SLC37A1: variants seen among roughly 807,000 people sequenced by gnomAD.
SLC37A1 encodes the protein glucose-6-phosphate exchanger SLC37A1.
A neutral mutation model predicts 75.3 loss-of-function variants in SLC37A1; 49 were observed. That is an observed-to-expected ratio of 0.65 (90% CI 0.52 to 0.83). The LOEUF (loss-of-function observed/expected upper bound fraction) is 0.83. Among genes scored for constraint, SLC37A1 ranks in the 40% least tolerant of loss-of-function variants. The pLI, the probability that SLC37A1 is intolerant of heterozygous loss-of-function variation, is 0.00. For synonymous variants in SLC37A1, 268 were observed against 292.1 expected, an observed-to-expected ratio of 0.92 and a Z score of 0.84; for missense variants, 566 against 695.0, an observed-to-expected ratio of 0.81 and a Z score of 2.09.
intron 17 of SLC37A1, among the ~76,000 whole-genome samples, chr21:42,574,025 ACACACACACATGCACACACACATATATG>A (rs1294791764): frequency 3.3e-5 from 5 of 152,008 alleles, no homozygotes; most frequent in South Asian, 2.1e-4. Context: ...CCGTGTTTTT[ACACACACACATGCACACACACATATATG>A]CACACACACA....
intron 6 of SLC37A1, among the ~76,000 whole-genome samples, chr21:42,541,199 C>T (rs1459471924): frequency 6.6e-6 from 1 of 152,356 alleles, no homozygotes; most frequent in East Asian, 1.9e-4. Context: ...GAATCTAACG[C>T]CCCGCTGATC....
In SLC37A1 at chr21:42,545,861, C is replaced by T. The variant is rs369675080; in HGVS notation, c.731-1242C>T. ...ATGGGCTGTGCCCAGGACAGGAGGG[C>T]GACGCACCCCACAGCCAGCCACGGA... is the stretch of plus-strand genomic sequence containing the variant. On this transcript the variant is annotated intron_variant, in intron 8 of 19. Transcript: ENST00000352133. This position sits in a 1 kb window ranked among gnomAD's most constrained non-coding sequence, Gnocchi z 4.0. Among the ~76,000 whole-genome samples, 244 of 152,374 alleles carry T rather than the reference C, an allele frequency of 1.6e-3. 1 individual carries two copies. The highest frequency in any genetic ancestry group is 5.4e-3 in the African/African-American group (226 of 41,588).
intron 9 of SLC37A1, among the ~76,000 whole-genome samples, chr21:42,550,001 T>G (rs1040320060): frequency 6.6e-6 from 1 of 152,226 alleles, no homozygotes; most frequent in Non-Finnish European, 1.5e-5. Context: ...TCCCACCTCC[T>G]GCTGATGTAT....
rs1009774319 is a variant in SLC37A1 at position 42,566,969 on chromosome 21, C to T, written c.1271-16C>T. The T allele has an allele frequency of 1.2e-6, 2 of 1,603,110 alleles. No homozygotes were observed. Among genetic ancestry groups the T allele is most frequent in the Non-Finnish European group, 1.7e-6 (2 of 1,179,178 alleles). On this transcript the variant is annotated splice_polypyrimidine_tract_variant and intron_variant, in intron 15 of 19. Transcript: ENST00000352133. Reference sequence around the variant, plus strand: ...GGAGGGCACATTTCCATTCTTTGCCCCTCTGCCTCCCACAGCCATGCTGCT... The same window carrying T: ...GGAGGGCACATTTCCATTCTTTGCCTCTCTGCCTCCCACAGCCATGCTGCT...
In SLC37A1 at chr21:42,572,666, C is replaced by CCA. The variant is rs201720402; in HGVS notation, c.1424-2141_1424-2140dup. Among the ~76,000 whole-genome samples, 268 of 90,020 alleles carry CCA rather than the reference C, an allele frequency of 3.0e-3. 5 individuals carry two copies. Among genetic ancestry groups the CCA allele is most frequent in the Middle Eastern group, 6.3e-3 (1 of 158 alleles). 59.1% of individuals were successfully genotyped at this position (90,020 alleles called of 152,430 possible). ...TGTGAAATTGATAACAGGTTTTCAGCCACACACACACAAAAAAAAAAAAAA... is the reference window on the plus strand; with the variant it reads ...TGTGAAATTGATAACAGGTTTTCAGCCACACACACACACAAAAAAAAAAAAAA... On this transcript the variant is annotated intron_variant, in intron 17 of 19. Coordinates refer to ENST00000352133, the MANE Select transcript of SLC37A1 (RefSeq NM_001320537.2).
At chr21:42,577,312 G>T (rs764710532) in intron 18 of SLC37A1, among the ~76,000 whole-genome samples, 4 of 152,178 alleles carry the variant, frequency 2.6e-5, no homozygotes, top group African/African-American at 4.8e-5. Flanking sequence ...TCCTCCAGCT[G>T]GGAATGGTTT....
At chr21:42,580,275 T>C in intron 19 of SLC37A1, 70 bp from the exon 20 acceptor site, 1 of 1,561,414 alleles carries the variant, frequency 6.4e-7, no homozygotes, top group Non-Finnish European at 8.7e-7. Context: ...ACATGGTGTG[T>C]GAAGTTCAGC....
chr21:42,571,791 C>T (rs1482060934), intron 17 of SLC37A1, among the ~76,000 whole-genome samples: 1 of 100,474 alleles, frequency 1.0e-5, no homozygotes, highest in African/African-American at 4.5e-5. Flanking sequence ...TGTTTTTTCC[C>T]GGGTAAGTAA....
chr21:42,543,502 C>G lies in SLC37A1; in HGVS notation c.630C>G (p.Ile210Met). The change falls in exon 8 of 20, where the codon ATC becomes ATG. Residue 210 changes from isoleucine (I) to methionine (M), a missense_variant. Ile to Met is a conservative substitution (Grantham distance 10, BLOSUM62 1). Coordinates refer to ENST00000352133, the MANE Select transcript of SLC37A1 (RefSeq NM_001320537.2). The part of the protein sequence containing the change: ...TSVGNILGSL[I>M]AGYWVSTCWG... ...TGGGCAACATCTTGGGGTCATTGAT[C>G]GCTGGCTACTGGGTGTCCACATGCT... The G allele has an allele frequency of 6.2e-7, 1 of 1,614,206 alleles. No individual in the cohort carries two copies. Among genetic ancestry groups the G allele is most frequent in the Non-Finnish European group, 8.5e-7 (1 of 1,180,036 alleles).
At position 42,564,843 on chromosome 21, in the gene SLC37A1, A is replaced by G. The variant is rs1200455046; in HGVS notation, c.1221+50A>G. On this transcript the variant is annotated intron_variant, in intron 14 of 19. Coordinates refer to ENST00000352133, the MANE Select transcript of SLC37A1 (RefSeq NM_001320537.2). ...CCCCAAAGCCTGCAGACAGTCCCCCACTGTCCTCCTCGCCAGCCAGCATCC... is the reference window on the plus strand; with the variant it reads ...CCCCAAAGCCTGCAGACAGTCCCCCGCTGTCCTCCTCGCCAGCCAGCATCC... 4 of 1,534,622 alleles carry G rather than the reference A, an allele frequency of 2.6e-6. No homozygotes were observed. The South Asian group carries it at 3.4e-5, about 13-fold the overall frequency.
At chr21:42,570,817 GCCACTGCCCA>G (rs1396611587) in intron 17 of SLC37A1, among the ~76,000 whole-genome samples, 1 of 152,208 alleles carries the variant, frequency 6.6e-6, no homozygotes, top group Non-Finnish European at 1.5e-5. Flanking sequence ...GTGAACAGAG[GCCACTGCCCA>G]CCACTGCCCC....
Position 42,518,379 on chromosome 21 carries a change from C to T in SLC37A1, c.-76C>T. ...GCGGCAGGGGCAACAGAGAGAGGAT[C>T]TGGAGCCAGGATTAATGACTCATTT... On this transcript the variant is annotated 5_prime_UTR_variant, in exon 2 of 20. Coordinates refer to ENST00000352133, the MANE Select transcript of SLC37A1 (RefSeq NM_001320537.2). 6.3e-7 allele frequency: 1 copy of T among 1,583,666 alleles called. No homozygotes were observed. The highest frequency in any genetic ancestry group is 8.7e-7 in the Non-Finnish European group (1 of 1,153,208).
chr21:42,565,714 CTT>C, intron 14 of SLC37A1, 111 bp from the exon 15 acceptor site: 1 of 970,134 alleles, frequency 1.0e-6, no homozygotes, highest in Non-Finnish European at 1.6e-6. Context: ...GGTTTCCACT[CTT>C]GGGATGGCTG....
intron 8 of SLC37A1, among the ~76,000 whole-genome samples, chr21:42,546,391 A>G (rs530035859): frequency 8.5e-5 from 13 of 152,286 alleles, no homozygotes; most frequent in Admixed American, 8.5e-4. Flanking sequence ...ATTTCTAATG[A>G]ATTTCATAAC....
upstream of SLC37A1, among the ~76,000 whole-genome samples, chr21:42,510,681 T>A (rs2054424584): frequency 6.6e-6 from 1 of 152,058 alleles, no homozygotes; most frequent in South Asian, 2.1e-4. Flanking sequence ...AGATATTCCA[T>A]GCAAATGGTT....
At chr21:42,540,976 C>T (rs1001741920) in intron 6 of SLC37A1, among the ~76,000 whole-genome samples, 3 of 152,196 alleles carry the variant, frequency 2.0e-5, no homozygotes, top group Non-Finnish European at 2.9e-5. Context: ...GGCTCCCAGG[C>T]GTCTTCTAGA....
At chr21:42,522,555 C>A (rs751267799) in intron 2 of SLC37A1, among the ~76,000 whole-genome samples, 1 of 152,120 alleles carries the variant, frequency 6.6e-6, no homozygotes, top group Non-Finnish European at 1.5e-5. Flanking sequence ...CCAGCCACTG[C>A]GTCCCCCATC....
intron 2 of SLC37A1, among the ~76,000 whole-genome samples, chr21:42,522,294 T>TC (rs1430084701): frequency 1.3e-5 from 2 of 152,118 alleles, no homozygotes; most frequent in Non-Finnish European, 2.9e-5. Flanking sequence ...AAACATATCA[T>TC]CCAAAACATC....
intron 3 of SLC37A1, among the ~76,000 whole-genome samples, chr21:42,531,180 C>A (rs1354730677): frequency 4.6e-5 from 7 of 152,152 alleles, no homozygotes; most frequent in African/African-American, 1.7e-4. Flanking sequence ...GCCCCACCGC[C>A]TTCCCCGCAC....
Sources: allele counts gnomAD v4.1 joint callset (sites outside exome capture counted in the v4.1 genomes callset), GRCh38; gene constraint gnomAD v4.1.1; non-coding constraint Gnocchi (gnomAD v3.1); transcripts MANE v1.5; gene names NCBI Gene and HGNC (gene_info 2026-07-23, HGNC 2026-07-21).